Variants in KSR1 observed in about 807,000 individuals in gnomAD.
KSR1 encodes the protein kinase suppressor of ras.
A neutral mutation model predicts 92.9 loss-of-function variants in KSR1; 35 were observed. That is an observed-to-expected ratio of 0.38 (90% CI 0.29 to 0.50). The LOEUF (loss-of-function observed/expected upper bound fraction) is 0.50, where lower values mean the gene tolerates loss of function less well. Ranked by LOEUF, KSR1 falls within the 20% of genes least tolerant of loss-of-function variation. KSR1 has a pLI of 0.94. For synonymous variants in KSR1, 467 were observed against 472.6 expected, an observed-to-expected ratio of 0.99 and a Z score of 0.15; for missense variants, 972 against 1,158.5, an observed-to-expected ratio of 0.84 and a Z score of 2.34.
chr17:27,492,902 T>A (rs1409069434), intron 1 of KSR1, among the ~76,000 whole-genome samples: 1 of 152,224 alleles, frequency 6.6e-6, no homozygotes, highest in Non-Finnish European at 1.5e-5. Flanking sequence ...AGGTGCTCAT[T>A]AAATGGTGTT....
chr17:27,475,453 T>TGGGCAGGTGACA (rs2068312386), intron 1 of KSR1, among the ~76,000 whole-genome samples: 1 of 152,200 alleles, frequency 6.6e-6, no homozygotes, highest in African/African-American at 2.4e-5. Context: ...TCTGACTGCG[T>TGGGCAGGTGACA]GGGCAGGTGA....
chr17:27,470,793 C>A (rs923727396), intron 1 of KSR1, among the ~76,000 whole-genome samples: 44 of 152,058 alleles, frequency 2.9e-4, no homozygotes, highest in Admixed American at 1.1e-3. Flanking sequence ...CTCCTTTATT[C>A]TCCCCATTTT....
Position 27,550,658 on chromosome 17 carries a change from C to A in KSR1, c.322C>A (p.Arg108Ser), listed in dbSNP as rs556864965. The A allele has an allele frequency of 6.5e-6, 5 of 764,016 alleles. No homozygotes were observed. The highest frequency in any genetic ancestry group is 5.4e-5 in the South Asian group (4 of 74,576). The allele number at this position is 764,016 out of a possible 1,614,324, so 47.3% of individuals were successfully genotyped here. A position where few individuals can be genotyped will look rare whatever the true frequency, so the allele number is the denominator to read the frequency against. ...ERTPELNSYP[R>S]FSDWLYTFNV... The stretch of plus-strand genomic sequence containing the variant: ...GACCCCAGAGCTCAACAGCTACCCC[C>A]GCTTCAGCGACTGGCTGTACACTTT... The change falls in exon 2 of 21, where the codon CGC becomes AGC. Residue 108 changes from arginine (R) to serine (S), a missense_variant. This residue lies in a region of KSR1 where 611 missense variants were observed against 668.0 expected (regional missense o/e 0.91). Transcript: ENST00000644974.
intron 1 of KSR1, among the ~76,000 whole-genome samples, chr17:27,470,681 A>G (rs996016230): frequency 6.6e-6 from 1 of 151,932 alleles, no homozygotes; most frequent in African/African-American, 2.4e-5. Context: ...TAGCCCCTCC[A>G]TTTAACTCCT....
At position 27,624,212 on chromosome 17, in the gene KSR1, A is replaced by G. The variant is rs1232285436; in HGVS notation, c.*820A>G. On this transcript the variant is annotated 3_prime_UTR_variant, in exon 21 of 21. Coordinates refer to ENST00000644974, the MANE Select transcript of KSR1 (RefSeq NM_001394583.1). ...GGACTCAGGGCCTTGGCTTTTAGAT[A>G]CATCCCAGTCCCTGACTGACATCTG... The G allele has an allele frequency of 6.6e-6, 1 of 152,252 alleles. No individual in the cohort carries two copies. Among genetic ancestry groups the G allele is most frequent in the Non-Finnish European group, 1.5e-5 (1 of 68,108 alleles). 9.4% of individuals were successfully genotyped at this position (152,252 alleles called of 1,614,324 possible). A position where few individuals can be genotyped will look rare whatever the true frequency, so the allele number is the denominator to read the frequency against.
At chr17:27,617,242 G>GT in intron 18 of KSR1, 53 bp from the exon 19 acceptor site, 1 of 1,559,032 alleles carries the variant, frequency 6.4e-7, no homozygotes, top group Non-Finnish European at 8.7e-7. Context: ...CCTACTGTGT[G>GT]CCCCCTCCCT....
chr17:27,614,959 G>A (rs1291540801), intron 18 of KSR1, among the ~76,000 whole-genome samples: 1 of 152,202 alleles, frequency 6.6e-6, no homozygotes, highest in East Asian at 1.9e-4. Flanking sequence ...TCTGAGTGAT[G>A]CCTTTCTCTG....
chr17:27,514,308 G>T (rs1470492846), intron 1 of KSR1, among the ~76,000 whole-genome samples: 1 of 152,184 alleles, frequency 6.6e-6, no homozygotes, highest in African/African-American at 2.4e-5. Flanking sequence ...TTATCACCGG[G>T]GAATTATAAC....
intron 3 of KSR1, among the ~76,000 whole-genome samples, chr17:27,580,190 G>A (rs1229996744): frequency 6.6e-6 from 1 of 152,152 alleles, no homozygotes; most frequent in Admixed American, 6.6e-5. Flanking sequence ...TTTGGTAGCA[G>A]GCTTACTCAT....
chr17:27,604,497 C>T (rs898118018), intron 12 of KSR1, among the ~76,000 whole-genome samples, 183 bp from the exon 13 acceptor site: 1 of 152,206 alleles, frequency 6.6e-6, no homozygotes, highest in Non-Finnish European at 1.5e-5. Context: ...GCTGAGGCTG[C>T]ACAAGGGGCA....
At chr17:27,511,572 G>A (rs779313261) in intron 1 of KSR1, among the ~76,000 whole-genome samples, 1 of 152,234 alleles carries the variant, frequency 6.6e-6, no homozygotes, top group African/African-American at 2.4e-5. Context: ...CAAGTTTCCT[G>A]CAGGACCTGG....
chr17:27,541,557 G>A (rs1465168690), intron 1 of KSR1, among the ~76,000 whole-genome samples: 2 of 152,198 alleles, frequency 1.3e-5, no homozygotes, highest in African/African-American at 2.4e-5. Context: ...TCTAGGCGTG[G>A]CTGGATTTTG....
intron 9 of KSR1, among the ~76,000 whole-genome samples, chr17:27,594,895 A>T (rs1044745590): frequency 6.6e-6 from 1 of 152,202 alleles, no homozygotes; most frequent in Non-Finnish European, 1.5e-5. Context: ...ATGACCTGGC[A>T]GCTGTTACCC....
At chr17:27,573,145 G>A (rs1476073995) in intron 2 of KSR1, among the ~76,000 whole-genome samples, 2 of 152,230 alleles carry the variant, frequency 1.3e-5, no homozygotes, top group African/African-American at 2.4e-5. Flanking sequence ...TCCGCGCTTA[G>A]GCCTGGAAGC....
intron 19 of KSR1, 78 bp from the exon 20 acceptor site, chr17:27,621,115 C>T (rs975732881): frequency 1.8e-5 from 7 of 398,458 alleles, no homozygotes; most frequent in Non-Finnish European, 2.7e-5. Context: ...CCTGTCCACA[C>T]GTGCCTGACT....
rs553229006 is a variant in KSR1 at position 27,602,643 on chromosome 17, A to G, written c.1511-1191A>G. Among the ~76,000 whole-genome samples, 33 of 152,256 alleles carry G rather than the reference A, an allele frequency of 2.2e-4. No homozygotes were observed. In the South Asian group the frequency reaches 6.8e-3, roughly 32 times the overall value. ...CACCCCAACTCTTACTACTTCCCTCATGCTTTAGGTGTGTGTTTGCCTCCT... is the reference window on the plus strand; with the variant it reads ...CACCCCAACTCTTACTACTTCCCTCGTGCTTTAGGTGTGTGTTTGCCTCCT... On this transcript the variant is annotated intron_variant, in intron 11 of 20. Coordinates refer to ENST00000644974, the MANE Select transcript of KSR1 (RefSeq NM_001394583.1).
At chr17:27,618,710 T>C (rs765484625) in intron 19 of KSR1, among the ~76,000 whole-genome samples, 1 of 152,220 alleles carries the variant, frequency 6.6e-6, no homozygotes, top group Non-Finnish European at 1.5e-5. Flanking sequence ...GAAATAGTCT[T>C]CTTTTGGTAT....
Position 27,550,657 on chromosome 17 carries a change from C to T in KSR1, c.321C>T (p.Pro107=). ...GERTPELNSY[P]RFSDWLYTFN... ...GGACCCCAGAGCTCAACAGCTACCCCCGCTTCAGCGACTGGCTGTACACTT... is the reference window on the plus strand; with the variant it reads ...GGACCCCAGAGCTCAACAGCTACCCTCGCTTCAGCGACTGGCTGTACACTT... The change falls in exon 2 of 21, where the codon CCC becomes CCT. Residue 107 remains proline (P), a synonymous_variant. Coordinates refer to ENST00000644974, the MANE Select transcript of KSR1 (RefSeq NM_001394583.1). The T allele has an allele frequency of 1.3e-6, 1 of 764,152 alleles. No homozygotes were observed. The allele number at this position is 764,152 out of a possible 1,614,324, so 47.3% of individuals were successfully genotyped here. A position where few individuals can be genotyped will look rare whatever the true frequency, so the allele number is the denominator to read the frequency against.
At chr17:27,462,484 C>T (rs2019492709) in intron 1 of KSR1, among the ~76,000 whole-genome samples, 1 of 152,164 alleles carries the variant, frequency 6.6e-6, no homozygotes, top group African/African-American at 2.4e-5. Flanking sequence ...CATGGGTCTG[C>T]TTCCCTAATG....
Sources: allele counts gnomAD v4.1 joint callset (sites outside exome capture counted in the v4.1 genomes callset), GRCh38; gene constraint gnomAD v4.1.1; regional missense constraint gnomAD v4.1.1; transcripts MANE v1.5; gene names NCBI Gene and HGNC (gene_info 2026-07-23, HGNC 2026-07-21).